Variants in AUTS2 observed in about 807,000 individuals in gnomAD.
AUTS2 encodes activator of transcription and developmental regulator AUTS2.
Under a neutral mutation model 112.4 loss-of-function variants are expected in AUTS2, and 17 were observed. The observed-to-expected ratio is 0.15, with a 90% confidence interval of 0.10 to 0.23. The LOEUF (loss-of-function observed/expected upper bound fraction) is 0.23, where lower values mean the gene tolerates loss of function less well. AUTS2 is among the 10% of genes least tolerant of loss of function. The pLI is 1.00. For missense variants in AUTS2, 1,510 were observed against 1,701.6 expected (o/e 0.89, Z 1.98); for synonymous variants, 751 against 702.7 (o/e 1.07, Z -1.09).
intron 4 of AUTS2, among the ~76,000 whole-genome samples, chr7:70,429,532 C>T (rs1194314349): frequency 2.6e-5 from 4 of 152,262 alleles, no homozygotes; most frequent in East Asian, 1.9e-4. Flanking sequence ...CATGACTGAG[C>T]GTGAGTGGGC....
At chr7:69,967,648 C>T (rs1016466037) in intron 2 of AUTS2, among the ~76,000 whole-genome samples, 9 of 152,164 alleles carry the variant, frequency 5.9e-5, no homozygotes, top group African/African-American at 1.9e-4. Flanking sequence ...AACTCAGCAT[C>T]GGAAAGAAGC....
chr7:70,374,419 TA>T (rs1792988197), intron 4 of AUTS2, among the ~76,000 whole-genome samples: 1 of 152,212 alleles, frequency 6.6e-6, no homozygotes, highest in Non-Finnish European at 1.5e-5. Flanking sequence ...AGACTTCATG[TA>T]ATCAGCTGAG....
intron 4 of AUTS2, among the ~76,000 whole-genome samples, chr7:70,308,023 G>T (rs1435330044): frequency 6.6e-6 from 1 of 152,160 alleles, no homozygotes; most frequent in Non-Finnish European, 1.5e-5. Flanking sequence ...TTTTGCTTTG[G>T]TATAGAAGTT....
intron 2 of AUTS2, among the ~76,000 whole-genome samples, chr7:70,069,715 T>G (rs991565628): frequency 2.0e-5 from 3 of 151,442 alleles, no homozygotes; most frequent in Admixed American, 6.6e-5. Flanking sequence ...TTTGTTTTTT[T>G]TTTTTTCCTG....
chr7:70,094,891 A>G (rs990344595), intron 2 of AUTS2, among the ~76,000 whole-genome samples: 2 of 152,116 alleles, frequency 1.3e-5, no homozygotes, highest in Admixed American at 1.3e-4. Flanking sequence ...GTGTGGGAGA[A>G]GCTTAGGAGT....
chr7:70,670,027 G>A (rs780262449), intron 5 of AUTS2, among the ~76,000 whole-genome samples: 2 of 152,170 alleles, frequency 1.3e-5, no homozygotes, highest in Non-Finnish European at 2.9e-5. Flanking sequence ...GAGGTTTGGC[G>A]CTAAAACCAC....
chr7:70,511,561 C>CT lies in AUTS2; in HGVS notation c.690+75809dup, dbSNP rs3974587. ...TTCATTTTAAACTTTTTTTCATTTT[C>CT]TTTTTTTTTTTTTTTTTTTTTTTTT... is the stretch of plus-strand genomic sequence containing the variant. On this transcript the variant is annotated intron_variant, in intron 5 of 18. Coordinates refer to ENST00000342771, the MANE Select transcript of AUTS2 (RefSeq NM_015570.4). 3.3e-3 allele frequency among the ~76,000 whole-genome samples: 232 copies of CT among 70,066 alleles called. 37 individuals carry two copies. The highest frequency in any genetic ancestry group is 0.03 in the Middle Eastern group (2 of 66). The allele number at this position is 70,066 out of a possible 152,430, so 46.0% of individuals were successfully genotyped here.
intron 5 of AUTS2, among the ~76,000 whole-genome samples, chr7:70,617,786 G>T (rs1405449114): frequency 6.6e-6 from 1 of 152,144 alleles, no homozygotes; most frequent in East Asian, 1.9e-4. Context: ...TAAGTTTGGG[G>T]ACATCATGGT....
chr7:69,759,817 C>T (rs62457236), intron 1 of AUTS2, among the ~76,000 whole-genome samples: 9 of 117,090 alleles, frequency 7.7e-5, no homozygotes, highest in East Asian at 2.9e-4. Flanking sequence ...CAAAGATGGG[C>T]GAACCTGGAA....
chr7:70,233,723 G>C (rs572157015), intron 4 of AUTS2, among the ~76,000 whole-genome samples: 1 of 152,044 alleles, frequency 6.6e-6, no homozygotes, highest in Admixed American at 6.6e-5. Context: ...CATTATCCCC[G>C]TAGGGTCCTA....
At chr7:70,033,956 G>C (rs976401013) in intron 2 of AUTS2, among the ~76,000 whole-genome samples, 3 of 152,116 alleles carry the variant, frequency 2.0e-5, no homozygotes, top group Non-Finnish European at 4.4e-5. Flanking sequence ...CTAGAAGAGA[G>C]GATTTTGAAT....
At chr7:69,885,238 C>T (rs1220549392) in intron 1 of AUTS2, among the ~76,000 whole-genome samples, 1 of 152,178 alleles carries the variant, frequency 6.6e-6, no homozygotes, top group African/African-American at 2.4e-5. Flanking sequence ...TATTGAGTCA[C>T]ATAGGCAGAA....
chr7:70,652,329 C>G (rs1647732192), intron 5 of AUTS2, among the ~76,000 whole-genome samples: 1 of 149,598 alleles, frequency 6.7e-6, no homozygotes, highest in African/African-American at 2.5e-5. Flanking sequence ...CTACTTAACA[C>G]CAGCAAAAGT....
At chr7:70,076,757 T>C (rs1803054978) in intron 2 of AUTS2, among the ~76,000 whole-genome samples, 1 of 152,186 alleles carries the variant, frequency 6.6e-6, no homozygotes, top group South Asian at 2.1e-4. Context: ...GGCTTAAATG[T>C]TGAAAACAGA....
At chr7:70,581,757 A>G (rs1802458773) in intron 5 of AUTS2, among the ~76,000 whole-genome samples, 1 of 152,200 alleles carries the variant, frequency 6.6e-6, no homozygotes, top group African/African-American at 2.4e-5. Flanking sequence ...TTCCCTGACT[A>G]TAAAAGAGAC....
intron 4 of AUTS2, among the ~76,000 whole-genome samples, chr7:70,402,130 G>T (rs1021376824): frequency 6.6e-6 from 1 of 152,264 alleles, no homozygotes; most frequent in African/African-American, 2.4e-5. Flanking sequence ...AAAATAGGAT[G>T]TTGTGTTTTG....
chr7:69,816,215 A>T (rs1165680521), intron 1 of AUTS2, among the ~76,000 whole-genome samples: 1 of 152,222 alleles, frequency 6.6e-6, no homozygotes, highest in Non-Finnish European at 1.5e-5. Flanking sequence ...CCTTTCTGAC[A>T]TCTCAAAGCT....
chr7:70,129,898 A>G (rs1806179740), intron 3 of AUTS2, among the ~76,000 whole-genome samples: 2 of 144,784 alleles, frequency 1.4e-5, no homozygotes, highest in South Asian at 4.3e-4. Context: ...ATATATATAT[A>G]TATTGTGTGT....
At chr7:70,435,213 A>G (rs545713102) in intron 4 of AUTS2, among the ~76,000 whole-genome samples, 7 of 152,228 alleles carry the variant, frequency 4.6e-5, no homozygotes, top group Non-Finnish European at 1.0e-4. Context: ...ACAAGTGGTG[A>G]GCCTTGGCCA....
Sources: allele counts gnomAD v4.1 joint callset (sites outside exome capture counted in the v4.1 genomes callset), GRCh38; gene constraint gnomAD v4.1.1; transcripts MANE v1.5; gene names NCBI Gene and HGNC (gene_info 2026-07-23, HGNC 2026-07-21).